PIGN: variants seen among roughly 807,000 people sequenced by gnomAD.
The protein encoded by PIGN is phosphatidylinositol glycan anchor biosynthesis class N.
A neutral mutation model predicts 125.4 loss-of-function variants in PIGN; 117 were observed. That is an observed-to-expected ratio of 0.93 (90% confidence interval 0.80 to 1.09). The LOEUF is 1.09. Among genes scored for constraint, PIGN ranks in the 50% least tolerant of loss-of-function variants. The pLI, the probability that PIGN is intolerant of heterozygous loss-of-function variation, is 0.00. For missense variants in PIGN, 1,075 were observed against 1,094.9 expected (o/e 0.98, Z 0.26); for synonymous variants, 392 against 377.8 (o/e 1.04, Z -0.44).
At position 62,185,819 on chromosome 18, in the gene PIGN, T is replaced by C. The variant is rs144938449; in HGVS notation, c.-236+1025A>G. Among the ~76,000 whole-genome samples the C allele has an allele frequency of 1.6e-3, 243 of 152,290 alleles. 1 individual carries two copies. The highest frequency in any genetic ancestry group is 5.2e-3 in the African/African-American group (217 of 41,554). ...CAAGGAATGACATAAAAGATAAACG[T>C]TGATCTTCTAAACTTAGGATATGTA... On this transcript the variant is annotated intron_variant, in intron 1 of 30. Coordinates refer to ENST00000640252, the MANE Select transcript of PIGN (RefSeq NM_176787.5).
At chr18:62,092,198 A>G (rs543321444) in intron 23 of PIGN, among the ~76,000 whole-genome samples, 1 of 152,314 alleles carries the variant, frequency 6.6e-6, no homozygotes, top group South Asian at 2.1e-4. Context: ...TAAAACAAGT[A>G]CAGAAAACTG....
rs80214634 is a variant in PIGN, at chr18:62,119,129, G to A, written c.1173-4490C>T. On this transcript the variant is annotated intron_variant, in intron 14 of 30. Transcript: ENST00000640252. ...CAGAGATCAAAGGAGGCTTAAAATC[G>A]CAGCACGGCCTTGAGTCAGCCACTA... 9.8e-3 allele frequency among the ~76,000 whole-genome samples: 1,485 copies of A among 152,158 alleles called. 45 individuals carry two copies. Among genetic ancestry groups the A allele is most frequent in the East Asian group, 0.068 (351 of 5,174 alleles).
intron 13 of PIGN, among the ~76,000 whole-genome samples, chr18:62,138,649 C>T (rs964568702): frequency 6.6e-6 from 1 of 152,134 alleles, no homozygotes. Context: ...TAAGGAATCT[C>T]ATAACATACA....
At chr18:62,049,697 A>C (rs1160352400) in intron 30 of PIGN, among the ~76,000 whole-genome samples, 1 of 150,336 alleles carries the variant, frequency 6.7e-6, no homozygotes, top group East Asian at 2.0e-4. Flanking sequence ...GAAGCTCTTT[A>C]GTTTAATTAG....
intron 14 of PIGN, among the ~76,000 whole-genome samples, chr18:62,121,033 C>T (rs1457040070): frequency 6.6e-6 from 1 of 152,004 alleles, no homozygotes; most frequent in Non-Finnish European, 1.5e-5. Flanking sequence ...CAAATATAAA[C>T]AATGCTGCTG....
chr18:62,181,715 T>G (rs994611768), intron 1 of PIGN, among the ~76,000 whole-genome samples: 1 of 151,988 alleles, frequency 6.6e-6, no homozygotes, highest in Admixed American at 6.6e-5. Context: ...CCCAGTCGCC[T>G]TCTCCTTTTT....
chr18:62,127,609 G>A (rs555158029), intron 14 of PIGN, among the ~76,000 whole-genome samples: 22 of 152,232 alleles, frequency 1.4e-4, no homozygotes, highest in African/African-American at 5.1e-4. Context: ...AACTGTGAGC[G>A]GGTAGTCATG....
At chr18:62,029,734 G>A (rs1312263378) in intron 23 of PIGN, among the ~76,000 whole-genome samples, 2 of 152,176 alleles carry the variant, frequency 1.3e-5, no homozygotes, top group Admixed American at 1.3e-4. Flanking sequence ...CTCTTAGCAG[G>A]AGAAGATACT....
intron 1 of PIGN, among the ~76,000 whole-genome samples, chr18:62,181,972 T>TGGATCCAAAGTG (rs1350754740): frequency 1.3e-5 from 2 of 152,092 alleles, no homozygotes; most frequent in African/African-American, 4.8e-5. Context: ...GTGATCCACC[T>TGGATCCAAAGTG]ACCTCATCCT....
In PIGN at chr18:62,042,310, G is replaced by A. The variant is rs1287036876; in HGVS notation, c.*3546C>T. On this transcript the variant is annotated 3_prime_UTR_variant, in exon 31 of 31. Transcript: ENST00000640252. Reference sequence around the variant, plus strand: ...CATTCCAGCCTTGGCGAGAGAGCCAGAGTCTGTCTTGAAAAAAAAAGAAAG... The same window carrying A: ...CATTCCAGCCTTGGCGAGAGAGCCAAAGTCTGTCTTGAAAAAAAAAGAAAG... 6.6e-6 allele frequency: 1 copy of A among 152,066 alleles called. No homozygotes were observed. 9.4% of individuals were successfully genotyped at this position (152,066 alleles called of 1,614,324 possible). A position where few individuals can be genotyped will look rare whatever the true frequency, so the allele number is the denominator to read the frequency against.
chr18:62,160,503 A>C (rs1042201180), intron 4 of PIGN, among the ~76,000 whole-genome samples: 1 of 151,738 alleles, frequency 6.6e-6, no homozygotes, highest in African/African-American at 2.4e-5. Flanking sequence ...ATTTTGTAAA[A>C]TTAGCAGACT....
At chr18:62,135,140 T>A (rs947419907) in intron 14 of PIGN, among the ~76,000 whole-genome samples, 1 of 152,230 alleles carries the variant, frequency 6.6e-6, no homozygotes, top group Non-Finnish European at 1.5e-5. Context: ...ATGTAGAAGT[T>A]ATTTTTAATG....
intron 30 of PIGN, among the ~76,000 whole-genome samples, chr18:62,060,455 C>T (rs955907580): frequency 2.0e-5 from 3 of 152,152 alleles, no homozygotes; most frequent in Non-Finnish European, 4.4e-5. Flanking sequence ...GTTCAATGTA[C>T]TGGGGCAGAA....
chr18:62,156,690 T>A (rs534600996), intron 6 of PIGN, among the ~76,000 whole-genome samples: 1 of 152,300 alleles, frequency 6.6e-6, no homozygotes, highest in Non-Finnish European at 1.5e-5. Flanking sequence ...CAAAGTATAA[T>A]GAACCACACC....
At chr18:62,023,032 T>C (rs1028796786) in intron 23 of PIGN, among the ~76,000 whole-genome samples, 1 of 152,228 alleles carries the variant, frequency 6.6e-6, no homozygotes, top group Non-Finnish European at 1.5e-5. Flanking sequence ...AGAAAAGTTG[T>C]CTGTGCATGT....
chr18:62,084,596 C>A lies in PIGN; in HGVS notation c.2437G>T (p.Ala813Ser), dbSNP rs769813940. Residue 813 changes from alanine to serine, a missense_variant, in exon 27 of 31, where the codon GCC (alanine) becomes TCC (serine). Coordinates refer to ENST00000640252, the MANE Select transcript of PIGN (RefSeq NM_176787.5). Reference sequence around the variant, plus strand: ...ACAGTCAGAAAGCAATAGACAGAGGCAAGATCAAAGCTAGGGAATTATAAC... The same window carrying A: ...ACAGTCAGAAAGCAATAGACAGAGGAAAGATCAAAGCTAGGGAATTATAAC... ...NIASINSFDL[A>S]SVYCFLTVFS... The A allele has an allele frequency of 3.5e-5, 54 of 1,552,114 alleles. No individual in the cohort carries two copies. The highest frequency in any genetic ancestry group is 4.7e-5 in the Non-Finnish European group (54 of 1,144,580).
chr18:62,030,623 G>A (rs1345719438), intron 23 of PIGN, among the ~76,000 whole-genome samples: 4 of 152,154 alleles, frequency 2.6e-5, no homozygotes, highest in South Asian at 2.1e-4. Flanking sequence ...TTAGGTTTAT[G>A]TGCTGATATT....
intron 15 of PIGN, among the ~76,000 whole-genome samples, 170 bp downstream of exon 15, chr18:62,114,391 T>C (rs2035006947): frequency 6.6e-6 from 1 of 151,824 alleles, no homozygotes; most frequent in Non-Finnish European, 1.5e-5. Context: ...CCCATAATAT[T>C]AGTTGAAATA....
chr18:62,038,404 A>G (rs1367802), downstream of PIGN, among the ~76,000 whole-genome samples: 51,739 of 149,148 alleles, frequency 0.35, 9,895 homozygotes, highest in East Asian at 0.7. Flanking sequence ...CTGAAACTTC[A>G]CATGTTAGAA....
Sources: gnomAD v4.1 joint callset for allele counts (sites outside exome capture counted in the v4.1 genomes callset) on GRCh38, gnomAD v4.1.1 for gene constraint, MANE v1.5 for transcripts, NCBI Gene and HGNC (gene_info 2026-07-23, HGNC 2026-07-21) for gene names.